Variants in ACSF3 observed in about 807,000 individuals in gnomAD.
The protein encoded by ACSF3 is malonate--CoA ligase ACSF3, mitochondrial.
Under a neutral mutation model 53.2 loss-of-function variants are expected in ACSF3, and 78 were observed. The observed-to-expected ratio is 1.47, with a 90% CI of 1.22 to 1.77. The LOEUF (loss-of-function observed/expected upper bound fraction) is 1.77. ACSF3 is among the 40% of genes most tolerant of loss of function. The pLI, the probability that ACSF3 is intolerant of heterozygous loss-of-function variation, is 0.00. For missense variants in ACSF3, 937 were observed against 771.1 expected (o/e 1.22, Z -2.55); for synonymous variants, 414 against 333.1 (o/e 1.24, Z -2.65).
At chr16:89,107,146 C>T (rs1325419613) in intron 4 of ACSF3, among the ~76,000 whole-genome samples, 1 of 152,208 alleles carries the variant, frequency 6.6e-6, no homozygotes, top group African/African-American at 2.4e-5. Flanking sequence ...AATGTTATGG[C>T]GCCCTTCAGG....
At position 89,097,749 on chromosome 16, in the gene ACSF3, C is replaced by G. The variant is rs184392294; in HGVS notation, c.-193-842C>G. Among the ~76,000 whole-genome samples the G allele has an allele frequency of 1.1e-4, 16 of 139,936 alleles. No individual in the cohort carries two copies. In the East Asian group the frequency reaches 1.4e-3, roughly 12 times the overall value. 91.8% of individuals were successfully genotyped at this position (139,936 alleles called of 152,430 possible). ...TCCAGGTGTGTGGGCGGACCAGCCA[C>G]TGCCCTGCCTCTGAACAGCTGTGGA... On this transcript the variant is annotated intron_variant, in intron 1 of 10. Coordinates refer to ENST00000614302, the MANE Select transcript of ACSF3 (RefSeq NM_001243279.3).
chr16:89,132,483 C>G (rs1169569765), intron 7 of ACSF3, among the ~76,000 whole-genome samples: 1 of 152,152 alleles, frequency 6.6e-6, no homozygotes, highest in Non-Finnish European at 1.5e-5. Context: ...GCCTCCCTCC[C>G]GCCCTCTCCA....
chr16:89,099,875 G>C (rs985522406), intron 2 of ACSF3, among the ~76,000 whole-genome samples: 2 of 151,066 alleles, frequency 1.3e-5, no homozygotes, highest in South Asian at 2.1e-4. Context: ...AGAGAGAGGA[G>C]AGAGAGAAAG....
At chr16:89,139,548 G>A (rs546936230) in intron 8 of ACSF3, among the ~76,000 whole-genome samples, 41 of 151,052 alleles carry the variant, frequency 2.7e-4, no homozygotes, top group Non-Finnish European at 4.0e-4. Flanking sequence ...TGCCACAGCC[G>A]TGCTGAATCC....
intron 7 of ACSF3, among the ~76,000 whole-genome samples, 158 bp downstream of exon 7, chr16:89,121,071 A>G (rs1906536012): frequency 6.6e-6 from 1 of 152,204 alleles, no homozygotes; most frequent in Non-Finnish European, 1.5e-5. Context: ...TTGCAAGGGC[A>G]CTGGCTGGTG....
At position 89,101,336 on chromosome 16, in the gene ACSF3, A is replaced by G. The variant is rs774400928; in HGVS notation, c.655A>G (p.Ile219Val). ...PKGVLSTHQN[I>V]RAVVTGLVHK... is the part of the protein sequence containing the mutation. ...GGGCGTGCTGAGCACGCACCAAAAC[A>G]TCAGGGCTGTGGTGAGTGCCGCCTG... Residue 219 changes from isoleucine (I) to valine (V), a missense_variant, in exon 3 of 11, where the codon ATC becomes GTC. Coordinates refer to ENST00000614302, the MANE Select transcript of ACSF3 (RefSeq NM_001243279.3). 2.5e-6 allele frequency: 4 copies of G among 1,587,686 alleles called. No individual in the cohort carries two copies. Among genetic ancestry groups the G allele is most frequent in the African/African-American group, 1.3e-5 (1 of 74,406 alleles).
Position 89,100,902 on chromosome 16 carries a change from G to C in ACSF3, c.221G>C (p.Arg74Pro). ...GRHTYRELYS[R>P]SLRLSQEICR... ...CACACGTACAGGGAGCTTTATTCCC[G>C]CAGCCTTCGCCTGTCCCAGGAGATC... Residue 74 changes from arginine (R) to proline (P), a missense_variant, in exon 3 of 11, where the codon CGC becomes CCC. Arg to Pro is a moderately radical substitution (Grantham distance 103). Transcript: ENST00000614302. 3 of 1,613,832 alleles carry C rather than the reference G, an allele frequency of 1.9e-6. No individual in the cohort carries two copies. The highest frequency in any genetic ancestry group is 2.5e-6 in the Non-Finnish European group (3 of 1,180,044).
intron 7 of ACSF3, among the ~76,000 whole-genome samples, chr16:89,130,644 G>A (rs987227373): frequency 2.6e-5 from 4 of 152,018 alleles, no homozygotes; most frequent in Admixed American, 6.6e-5. Context: ...AAATCAGTGG[G>A]CGCAGGAACC....
chr16:89,103,762 GT>G (rs1382009864), intron 4 of ACSF3, among the ~76,000 whole-genome samples: 5 of 152,202 alleles, frequency 3.3e-5, no homozygotes, highest in Non-Finnish European at 5.9e-5. Flanking sequence ...CTGCTGTGGA[GT>G]CTCTGTCTCC....
chr16:89,145,796 C>T (rs1270796446), intron 9 of ACSF3, 142 bp from the exon 10 acceptor site: 2 of 803,298 alleles, frequency 2.5e-6, no homozygotes, highest in Non-Finnish European at 4.4e-6. Flanking sequence ...AGCACCAGGA[C>T]GAGTGATTGG....
At chr16:89,122,392 TG>T (rs1906875274) in intron 7 of ACSF3, 1 of 451,574 alleles carries the variant, frequency 2.2e-6, no homozygotes, top group South Asian at 1.6e-5. Flanking sequence ...CCCATGCTGT[TG>T]TCCTGACATG....
chr16:89,122,996 G>A (rs1366847080), intron 7 of ACSF3, among the ~76,000 whole-genome samples: 2 of 152,224 alleles, frequency 1.3e-5, no homozygotes, highest in African/African-American at 4.8e-5. Context: ...CTCTGCGACA[G>A]GCATGCAGGC....
rs561888738 is a variant in ACSF3, at chr16:89,145,137, G to A, written c.1367-130G>A. ...TCTCCGTTGGGGTTGCCACAGGGTA[G>A]TAACCAGAGCCCCCTTTCCTCAGAG... On this transcript the variant is annotated intron_variant, in intron 8 of 10. Coordinates refer to ENST00000614302, the MANE Select transcript of ACSF3 (RefSeq NM_001243279.3). The A allele has an allele frequency of 4.9e-4, 788 of 1,606,870 alleles. 2 individuals are homozygous for A. The highest frequency in any genetic ancestry group is 2.4e-3 in the Middle Eastern group (13 of 5,462).
At chr16:89,150,784 G>A (rs1323860935) in intron 10 of ACSF3, 2 of 362,542 alleles carry the variant, frequency 5.5e-6, no homozygotes, top group African/African-American at 2.1e-5. Context: ...GCCACTTGCT[G>A]TACCTGGCCC....
In ACSF3 at chr16:89,100,671, C is replaced by T; in HGVS notation, c.-11C>T. On this transcript the variant is annotated 5_prime_UTR_variant, in exon 3 of 11. Transcript: ENST00000614302. The stretch of plus-strand genomic sequence containing the variant: ...CCTTGCCTTTCTCCAGCTCGGCCGC[C>T]TGTCAGTGCAATGCTGCCCCATGTG... 6.8e-7 allele frequency: 1 copy of T among 1,476,144 alleles called. No homozygotes were observed. The highest frequency in any genetic ancestry group is 8.9e-7 in the Non-Finnish European group (1 of 1,120,678). 91.4% of individuals were successfully genotyped at this position (1,476,144 alleles called of 1,614,324 possible). A position where few individuals can be genotyped will look rare whatever the true frequency, so the allele number is the denominator to read the frequency against.
Position 89,100,715 on chromosome 16 carries a change from C to T in ACSF3, c.34C>T (p.Leu12=), listed in dbSNP as rs1975181249. 2.5e-6 allele frequency: 4 copies of T among 1,601,910 alleles called. No homozygotes were observed. The highest frequency in any genetic ancestry group is 2.5e-6 in the Non-Finnish European group (3 of 1,179,540). The change falls in exon 3 of 11, where the codon CTG becomes TTG. Residue 12 remains leucine (L), a synonymous_variant. Transcript: ENST00000614302. ...CCATGTGGTGCTCACCTTCCGGCGCCTGGGCTGCGCCTTGGCGTCCTGCCG... is the reference window on the plus strand; with the variant it reads ...CCATGTGGTGCTCACCTTCCGGCGCTTGGGCTGCGCCTTGGCGTCCTGCCG... The part of the protein sequence containing the change: ...LPHVVLTFRR[L]GCALASCRLA...
rs183744745 is a variant in ACSF3, at chr16:89,124,731, G to A, written c.1239+3818G>A. Among the ~76,000 whole-genome samples, 79 of 151,860 alleles carry A rather than the reference G, an allele frequency of 5.2e-4. 1 individual carries two copies. The highest frequency in any genetic ancestry group is 4.3e-3 in the Admixed American group (65 of 15,284). On this transcript the variant is annotated intron_variant, in intron 7 of 10. Coordinates refer to ENST00000614302, the MANE Select transcript of ACSF3 (RefSeq NM_001243279.3). The stretch of plus-strand genomic sequence containing the variant: ...ATACCCATGTGCGCACTGCATATAC[G>A]TGTGTGTTACCTGTGTGCAACACTG...
At chr16:89,139,998 G>T (rs1597221618) in intron 8 of ACSF3, among the ~76,000 whole-genome samples, 2 of 152,254 alleles carry the variant, frequency 1.3e-5, no homozygotes, top group East Asian at 3.9e-4. Context: ...GGAGCTGCCG[G>T]GTGAGCGCTG....
chr16:89,104,526 C>T (rs553365480), intron 4 of ACSF3, among the ~76,000 whole-genome samples: 3 of 152,204 alleles, frequency 2.0e-5, no homozygotes, highest in Non-Finnish European at 2.9e-5. Context: ...GGCCTCTGAC[C>T]GGGAGCTCAG....
Sources: gnomAD v4.1 joint callset for allele counts (sites outside exome capture counted in the v4.1 genomes callset) on GRCh38, gnomAD v4.1.1 for gene constraint, MANE v1.5 for transcripts, NCBI Gene and HGNC (gene_info 2026-07-23, HGNC 2026-07-21) for gene names.